OPCML: variants seen among roughly 807,000 people sequenced by gnomAD.
OPCML encodes opioid binding protein/cell adhesion molecule like.
A neutral mutation model predicts 37.8 loss-of-function variants in OPCML; 13 were observed. The ratio of observed to expected loss-of-function variants is 0.34; its 90% CI spans 0.22 to 0.55. The LOEUF is 0.55. Ranked by LOEUF, OPCML falls within the 20% of genes least tolerant of loss-of-function variation. The pLI, the probability that OPCML is intolerant of heterozygous loss-of-function variation, is 0.91. For synonymous variants in OPCML, 176 were observed against 168.8 expected (o/e 1.04, Z -0.33); for missense variants, 341 against 435.6 (o/e 0.78, Z 1.93).
intron 1 of OPCML, among the ~76,000 whole-genome samples, chr11:133,167,596 C>G (rs1230785595): frequency 6.6e-6 from 1 of 151,162 alleles, no homozygotes; most frequent in East Asian, 1.9e-4. Context: ...AGCTCAATAT[C>G]AGGGTTTTCC....
chr11:133,286,799 C>T (rs977692955), intron 1 of OPCML, among the ~76,000 whole-genome samples: 4 of 152,118 alleles, frequency 2.6e-5, no homozygotes, highest in Non-Finnish European at 5.9e-5. Flanking sequence ...TTTAAAAGGG[C>T]TACAGAAAAC....
intron 2 of OPCML, among the ~76,000 whole-genome samples, chr11:132,743,019 C>T (rs1263058135): frequency 6.6e-6 from 1 of 152,036 alleles, no homozygotes; most frequent in Non-Finnish European, 1.5e-5. Flanking sequence ...CTGCTTCCTT[C>T]TCAAATTCTT....
At chr11:133,033,397 C>T (rs1947708672) in intron 1 of OPCML, among the ~76,000 whole-genome samples, 1 of 152,198 alleles carries the variant, frequency 6.6e-6, no homozygotes, top group South Asian at 2.1e-4. Flanking sequence ...TAGGACTATG[C>T]ATTCATGACG....
At chr11:133,397,961 G>A (rs1008451675) in intron 1 of OPCML, among the ~76,000 whole-genome samples, 1 of 152,158 alleles carries the variant, frequency 6.6e-6, no homozygotes, top group Non-Finnish European at 1.5e-5. Context: ...AATATGGCAT[G>A]TTTTCTGAAA....
chr11:133,328,526 T>A (rs945154056), intron 1 of OPCML, among the ~76,000 whole-genome samples: 1 of 152,064 alleles, frequency 6.6e-6, no homozygotes, highest in Non-Finnish European at 1.5e-5. Context: ...AATGCAATAC[T>A]CAAAACCTCA....
chr11:132,810,545 G>T (rs1939281460), intron 2 of OPCML, among the ~76,000 whole-genome samples: 1 of 152,104 alleles, frequency 6.6e-6, no homozygotes, highest in Admixed American at 6.5e-5. Context: ...ACAAAAATTA[G>T]CTGGGTGTGG....
chr11:132,990,806 T>C (rs983526984), intron 1 of OPCML, among the ~76,000 whole-genome samples: 1 of 152,216 alleles, frequency 6.6e-6, no homozygotes, highest in Non-Finnish European at 1.5e-5. Context: ...CCTGTATCTA[T>C]AAAATAGAGT....
chr11:133,169,338 G>C (rs1950257557), intron 1 of OPCML, among the ~76,000 whole-genome samples: 1 of 152,032 alleles, frequency 6.6e-6, no homozygotes. Context: ...AACCACATGA[G>C]AAGGAAATGA....
intron 2 of OPCML, among the ~76,000 whole-genome samples, chr11:132,937,565 G>A (rs1288707020): frequency 4.1e-5 from 6 of 147,636 alleles, no homozygotes; most frequent in East Asian, 2.0e-4. Flanking sequence ...TGTGTGTGTC[G>A]TGTGTGTGTG....
intron 1 of OPCML, among the ~76,000 whole-genome samples, chr11:133,054,705 G>A (rs1450919311): frequency 1.3e-5 from 2 of 152,246 alleles, no homozygotes; most frequent in Non-Finnish European, 2.9e-5. Flanking sequence ...GCCTTAGAGA[G>A]TCCAACTGCC....
At chr11:133,513,974 C>T (rs984192642) in intron 1 of OPCML, among the ~76,000 whole-genome samples, 24 of 152,224 alleles carry the variant, frequency 1.6e-4, no homozygotes, top group Admixed American at 5.2e-4. Context: ...GATTCAGTAT[C>T]CCAAAGGGTC....
intron 2 of OPCML, among the ~76,000 whole-genome samples, chr11:132,716,101 G>C (rs969216311): frequency 2.6e-5 from 4 of 152,072 alleles, no homozygotes; most frequent in African/African-American, 9.7e-5. Flanking sequence ...AAAGAAGGAG[G>C]GCTGCTCCAG....
intron 3 of OPCML, among the ~76,000 whole-genome samples, chr11:132,648,105 C>T: frequency 6.6e-6 from 1 of 152,222 alleles, no homozygotes. Context: ...CATCACTATT[C>T]TGAATTCACA....
At chr11:133,286,496 G>GAATT (rs1942305045) in intron 1 of OPCML, among the ~76,000 whole-genome samples, 1 of 137,962 alleles carries the variant, frequency 7.2e-6, no homozygotes, top group African/African-American at 2.7e-5. Context: ...AAAAAAAAAG[G>GAATT]ACTCACCTAA....
At chr11:132,701,115 G>C (rs1943795730) in intron 2 of OPCML, among the ~76,000 whole-genome samples, 3 of 152,170 alleles carry the variant, frequency 2.0e-5, no homozygotes, top group Admixed American at 2.0e-4. Context: ...AAAGGAAAGA[G>C]GTTTAATGGA....
intron 3 of OPCML, among the ~76,000 whole-genome samples, chr11:132,542,699 C>T (rs538128147): frequency 6.6e-6 from 1 of 152,338 alleles, no homozygotes; most frequent in East Asian, 1.9e-4. Flanking sequence ...GTTTTGCTCA[C>T]ATGAGTAGCA....
At chr11:132,772,485 G>C (rs1312085376) in intron 2 of OPCML, 1 of 152,160 alleles carries the variant, frequency 6.6e-6, no homozygotes, top group African/African-American at 2.4e-5. Flanking sequence ...CATAGCCTTT[G>C]GTAGCCAGTT....
intron 1 of OPCML, among the ~76,000 whole-genome samples, chr11:132,974,391 G>C (rs892073274): frequency 2.5e-4 from 38 of 151,948 alleles, no homozygotes; most frequent in Non-Finnish European, 4.6e-4. Context: ...TCTTCCTATG[G>C]TCACCGAAAA....
chr11:132,523,911 C>G (rs2096300987), intron 4 of OPCML, among the ~76,000 whole-genome samples: 1 of 152,194 alleles, frequency 6.6e-6, no homozygotes, highest in Non-Finnish European at 1.5e-5. Flanking sequence ...TGAGATGTTA[C>G]TGTATCTGAG....
Sources: allele counts gnomAD v4.1 joint callset (sites outside exome capture counted in the v4.1 genomes callset), GRCh38; gene constraint gnomAD v4.1.1; transcripts MANE v1.5; gene names NCBI Gene and HGNC (gene_info 2026-07-23, HGNC 2026-07-21).